TSPAN9: variants seen among roughly 807,000 people sequenced by gnomAD.
The protein encoded by TSPAN9 is tetraspanin-9.
In TSPAN9, 16 loss-of-function variants were observed where a neutral mutation model predicts 31.0. The ratio of observed to expected loss-of-function variants is 0.52; its 90% CI spans 0.35 to 0.78. The LOEUF (loss-of-function observed/expected upper bound fraction) is 0.78, where lower values mean the gene tolerates loss of function less well. TSPAN9 is among the 30% of genes least tolerant of loss of function. The pLI, the probability that TSPAN9 is intolerant of heterozygous loss-of-function variation, is 0.01. For missense variants in TSPAN9, 272 were observed against 312.5 expected (o/e 0.87, Z 0.98); for synonymous variants, 145 against 121.6 (o/e 1.19, Z -1.27).
chr12:3,164,182 C>G (rs1266443023), intron 2 of TSPAN9, among the ~76,000 whole-genome samples: 1 of 152,202 alleles, frequency 6.6e-6, no homozygotes. Flanking sequence ...TTTCTCTTTC[C>G]TAAGGTGCTT....
chr12:3,141,017 G>T (rs980070330), intron 2 of TSPAN9, among the ~76,000 whole-genome samples: 3 of 151,858 alleles, frequency 2.0e-5, no homozygotes, highest in Admixed American at 1.3e-4. Flanking sequence ...TAGTAGGGGA[G>T]GGAGGGGGAA....
intron 3 of TSPAN9, among the ~76,000 whole-genome samples, chr12:3,263,148 A>G (rs1005000633): frequency 5.9e-5 from 9 of 152,370 alleles, no homozygotes; most frequent in Non-Finnish European, 1.0e-4. Flanking sequence ...AAATGGACTC[A>G]TAGCAGTTGC....
chr12:3,185,527 G>T (rs975658757), intron 2 of TSPAN9, among the ~76,000 whole-genome samples: 1 of 151,874 alleles, frequency 6.6e-6, no homozygotes, highest in Non-Finnish European at 1.5e-5. Context: ...TAGAGAAGGG[G>T]TGGTGGTAAG....
At chr12:3,135,249 A>G (rs2159413) in intron 2 of TSPAN9, among the ~76,000 whole-genome samples, 60,903 of 151,864 alleles carry the variant, frequency 0.4, 12,969 homozygotes, top group Admixed American at 0.52. Flanking sequence ...ACACCTGGCT[A>G]AATTTTAAAT....
Position 3,278,487 on chromosome 12 carries a change from T to G in TSPAN9, c.130T>G (p.Phe44Val). The stretch of plus-strand genomic sequence containing the variant: ...CGTGTCCCAAGGCAACTTTGCCACC[T>G]TCTCCCCCAGCTTCCCTTCGTTGTC... ...LSVSQGNFATFSPSFPSLSAA... is the reference protein window; with the variant it reads ...LSVSQGNFATVSPSFPSLSAA... The change falls in exon 4 of 9, where the codon TTC (phenylalanine) becomes GTC (valine). Residue 44 changes from phenylalanine to valine, a missense_variant. Physicochemically the swap from Phe to Val is conservative, Grantham distance 50. Coordinates refer to ENST00000011898, the MANE Select transcript of TSPAN9 (RefSeq NM_006675.5). 1.2e-6 allele frequency: 2 copies of G among 1,614,212 alleles called. No homozygotes were observed. The highest frequency in any genetic ancestry group is 1.1e-5 in the South Asian group (1 of 91,084).
chr12:3,175,959 G>T (rs1198179629), intron 2 of TSPAN9, among the ~76,000 whole-genome samples: 1 of 152,286 alleles, frequency 6.6e-6, no homozygotes, highest in Admixed American at 6.5e-5. Flanking sequence ...GCTCAGCCCT[G>T]CCTGTATGCC....
chr12:3,168,318 C>T lies in TSPAN9; in HGVS notation c.-17-32859C>T, dbSNP rs12370932. On this transcript the variant is annotated intron_variant, in intron 2 of 8. Transcript: ENST00000011898. This position sits in a 1 kb window ranked among gnomAD's most constrained non-coding sequence, Gnocchi z 4.0. ...TTCATAAAATCTCCCCTCTAGCGCT[C>T]GTCTTTTTGCTTCCTTCAATTCAAG... Among the ~76,000 whole-genome samples the T allele has an allele frequency of 0.14, 21,009 of 152,254 alleles. 1,773 individuals carry two copies. Among genetic ancestry groups the T allele is most frequent in the Non-Finnish European group, 0.2 (13,374 of 68,008 alleles).
At chr12:3,234,433 C>A (rs1440867315) in intron 3 of TSPAN9, among the ~76,000 whole-genome samples, 1 of 152,286 alleles carries the variant, frequency 6.6e-6, no homozygotes, top group African/African-American at 2.4e-5. Context: ...CCCTCTGCTC[C>A]GGCCACCCTG....
At chr12:3,250,428 C>G (rs1862226853) in intron 3 of TSPAN9, among the ~76,000 whole-genome samples, 1 of 152,200 alleles carries the variant, frequency 6.6e-6, no homozygotes. Flanking sequence ...GGAGTTCATG[C>G]CTTTTTAGGG....
chr12:3,217,224 CCCGGACCTTGGATG>C (rs1356213963), intron 3 of TSPAN9, among the ~76,000 whole-genome samples: 2 of 152,236 alleles, frequency 1.3e-5, no homozygotes. Flanking sequence ...GGGCCTCATG[CCCGGACCTTGGATG>C]CCAGGGGCTG....
chr12:3,208,130 C>T (rs1257496120), intron 3 of TSPAN9, among the ~76,000 whole-genome samples: 2 of 152,180 alleles, frequency 1.3e-5, no homozygotes, highest in African/African-American at 2.4e-5. Flanking sequence ...GTATTACTGT[C>T]GCTCCTGCGG....
At chr12:3,273,735 G>C (rs1018034173) in intron 3 of TSPAN9, among the ~76,000 whole-genome samples, 1 of 152,080 alleles carries the variant, frequency 6.6e-6, no homozygotes, top group African/African-American at 2.4e-5. Context: ...CCCTCTCCCT[G>C]CCCGCTGCAC....
intron 2 of TSPAN9, among the ~76,000 whole-genome samples, chr12:3,182,552 G>A (rs1351456990): frequency 6.6e-6 from 1 of 151,614 alleles, no homozygotes; most frequent in East Asian, 1.9e-4. Flanking sequence ...ATTCAACAGT[G>A]CTATTGAGCA....
At chr12:3,083,477 A>T (rs1454162513) in intron 1 of TSPAN9, among the ~76,000 whole-genome samples, 176 bp from the exon 2 acceptor site, 1 of 152,188 alleles carries the variant, frequency 6.6e-6, no homozygotes, top group African/African-American at 2.4e-5. Context: ...CCCACCGCCA[A>T]CTGAGTGGCA....
intron 3 of TSPAN9, among the ~76,000 whole-genome samples, chr12:3,233,412 C>T (rs1033269077): frequency 2.6e-5 from 4 of 152,182 alleles, no homozygotes; most frequent in Middle Eastern, 3.2e-3. Flanking sequence ...CGGAGGGCAC[C>T]CTTCTCCTGA....
chr12:3,097,650 G>C (rs928287183), intron 2 of TSPAN9, among the ~76,000 whole-genome samples: 9 of 152,156 alleles, frequency 5.9e-5, no homozygotes, highest in Non-Finnish European at 8.8e-5. Context: ...GCTGGCCCAG[G>C]GCCAATCTGA....
chr12:3,156,565 G>C (rs1291617993), intron 2 of TSPAN9, among the ~76,000 whole-genome samples: 1 of 151,386 alleles, frequency 6.6e-6, no homozygotes, highest in Non-Finnish European at 1.5e-5. Context: ...GCAGTGGCAT[G>C]ATCTCGGCTC....
At chr12:3,085,111 A>C (rs746787090) in intron 2 of TSPAN9, among the ~76,000 whole-genome samples, 12 of 152,052 alleles carry the variant, frequency 7.9e-5, no homozygotes, top group East Asian at 1.9e-4. Context: ...GTCCAGGTGC[A>C]GTGGCTCACG....
At chr12:3,099,232 C>T (rs553204480) in intron 2 of TSPAN9, among the ~76,000 whole-genome samples, 3 of 152,258 alleles carry the variant, frequency 2.0e-5, no homozygotes, top group East Asian at 3.9e-4. Flanking sequence ...TTTTTTCCTT[C>T]TGTGCTTCAT....
Sources: gnomAD v4.1 joint callset for allele counts (sites outside exome capture counted in the v4.1 genomes callset) on GRCh38, gnomAD v4.1.1 for gene constraint, Gnocchi (gnomAD v3.1) non-coding constraint, MANE v1.5 for transcripts, NCBI Gene and HGNC (gene_info 2026-07-23, HGNC 2026-07-21) for gene names.